Variants in PPP1R21 observed in about 807,000 individuals in gnomAD.
PPP1R21 encodes the protein KLRAQ motif containing 1.
In PPP1R21, 85 loss-of-function variants were observed where a neutral mutation model predicts 112.8. That is an observed-to-expected ratio of 0.75 (90% CI 0.63 to 0.90). The LOEUF (loss-of-function observed/expected upper bound fraction) is 0.90, where lower values mean the gene tolerates loss of function less well. Among genes scored for constraint, PPP1R21 ranks in the 40% least tolerant of loss-of-function variants. The pLI is 0.00. For missense variants in PPP1R21, 1,199 were observed against 901.5 expected, an observed-to-expected ratio of 1.33 and a Z score of -4.23; for synonymous variants, 381 against 322.3, an observed-to-expected ratio of 1.18 and a Z score of -1.95.
intron 9 of PPP1R21, among the ~76,000 whole-genome samples, chr2:48,468,627 A>G (rs1668310268): frequency 6.6e-6 from 1 of 152,120 alleles, no homozygotes; most frequent in Non-Finnish European, 1.5e-5. Flanking sequence ...AGCCTGGGCA[A>G]CATGGTGAAA....
At chr2:48,465,795 A>G (rs1668175192) in intron 9 of PPP1R21, among the ~76,000 whole-genome samples, 153 bp downstream of exon 9, 2 of 152,262 alleles carry the variant, frequency 1.3e-5, no homozygotes, top group Admixed American at 6.5e-5. Context: ...AAAATATGGC[A>G]AAAATAGAGA....
chr2:48,475,599 G>A (rs933275422), intron 12 of PPP1R21, among the ~76,000 whole-genome samples: 3 of 152,152 alleles, frequency 2.0e-5, no homozygotes, highest in African/African-American at 7.2e-5. Flanking sequence ...TGTAATCCCA[G>A]CACTTTGGGA....
At chr2:48,496,997 A>C (rs1239731616) in intron 16 of PPP1R21, among the ~76,000 whole-genome samples, 1 of 152,186 alleles carries the variant, frequency 6.6e-6, no homozygotes, top group Non-Finnish European at 1.5e-5. Context: ...AAACCAGTAA[A>C]CATGTTTCCC....
intron 11 of PPP1R21, among the ~76,000 whole-genome samples, chr2:48,474,393 A>T (rs1668656927): frequency 6.6e-6 from 1 of 152,332 alleles, no homozygotes; most frequent in East Asian, 1.9e-4. Flanking sequence ...AACAAAAAAG[A>T]AAAAGAACAT....
chr2:48,507,193 T>C (rs1469217403), intron 18 of PPP1R21, 76 bp from the exon 19 acceptor site: 5 of 284,786 alleles, frequency 1.8e-5, no homozygotes, highest in East Asian at 1.4e-4. Context: ...AAATGTTGTC[T>C]TTTTTTTTTT....
intron 14 of PPP1R21, among the ~76,000 whole-genome samples, chr2:48,488,113 A>G (rs1669392612): frequency 2.6e-5 from 4 of 152,164 alleles, no homozygotes; most frequent in Admixed American, 2.6e-4. Context: ...TCATATTTCC[A>G]AAGTTGGACT....
chr2:48,501,361 A>G (rs1018206137), intron 17 of PPP1R21, among the ~76,000 whole-genome samples: 9 of 152,276 alleles, frequency 5.9e-5, no homozygotes, highest in Middle Eastern at 3.4e-3. Flanking sequence ...TGGTGGCCAG[A>G]CTAGACCAGG....
intron 9 of PPP1R21, among the ~76,000 whole-genome samples, chr2:48,469,535 T>TATATATATAGAGAGAGAG (rs1553339307): frequency 8.2e-5 from 6 of 73,222 alleles, no homozygotes; most frequent in South Asian, 4.7e-4. Context: ...TATATATATA[T>TATATATATAGAGAGAGAG]AGAGCATATA....
intron 21 of PPP1R21, among the ~76,000 whole-genome samples, chr2:48,513,090 C>T (rs1176761048): frequency 6.6e-6 from 1 of 152,080 alleles, no homozygotes; most frequent in African/African-American, 2.4e-5. Context: ...TCTGGAACTT[C>T]AGAAGTATTT....
chr2:48,498,639 TG>T lies in PPP1R21; in HGVS notation c.1842del (p.Leu615TrpfsTer31). ...AGAATACAGGTAGTGCCCAGCTGGT[TG>T]GGCTGGCCCAGGAAAATGCTGCTGT... ...LKNTGSAQLV[G>X]LAQENAAVSN... On this transcript the variant is annotated frameshift_variant, in exon 17 of 22. Coordinates refer to ENST00000294952, the MANE Select transcript of PPP1R21 (RefSeq NM_001135629.3). LOFTEE classifies it high-confidence loss of function. The T allele has an allele frequency of 5.6e-6, 9 of 1,614,240 alleles. No homozygotes were observed. The highest frequency in any genetic ancestry group is 7.6e-6 in the Non-Finnish European group (9 of 1,180,038).
chr2:48,445,904 T>C (rs1667225250), intron 1 of PPP1R21, among the ~76,000 whole-genome samples: 1 of 152,166 alleles, frequency 6.6e-6, no homozygotes, highest in African/African-American at 2.4e-5. Context: ...ATACTTAAAA[T>C]GTTAGAACTG....
At chr2:48,448,139 C>T (rs1667329386) in intron 1 of PPP1R21, among the ~76,000 whole-genome samples, 1 of 152,122 alleles carries the variant, frequency 6.6e-6, no homozygotes, top group Non-Finnish European at 1.5e-5. Flanking sequence ...TTATCATCTT[C>T]CTCCATTTCT....
intron 9 of PPP1R21, 52 bp downstream of exon 9, chr2:48,465,694 A>G (rs1558449134): frequency 6.5e-7 from 1 of 1,548,744 alleles, no homozygotes; most frequent in South Asian, 1.2e-5. Context: ...ATAGGGAGAT[A>G]TTGTTTGTTT....
At chr2:48,465,898 G>C (rs902825646) in intron 9 of PPP1R21, among the ~76,000 whole-genome samples, 3 of 152,104 alleles carry the variant, frequency 2.0e-5, no homozygotes, top group African/African-American at 7.3e-5. Flanking sequence ...ACAAAAGAAA[G>C]AGGTTTATTA....
intron 12 of PPP1R21, among the ~76,000 whole-genome samples, chr2:48,478,898 T>G (rs1167272838): frequency 6.6e-6 from 1 of 152,262 alleles, no homozygotes; most frequent in Non-Finnish European, 1.5e-5. Context: ...TAAGAGCTCT[T>G]GTTTTAAGGC....
intron 17 of PPP1R21, among the ~76,000 whole-genome samples, chr2:48,499,538 A>T (rs569028254): frequency 2.0e-5 from 3 of 152,348 alleles, no homozygotes. Flanking sequence ...GCTGGGCAGC[A>T]TAGTGAGACC....
intron 13 of PPP1R21, among the ~76,000 whole-genome samples, chr2:48,483,144 C>T (rs1390495177): frequency 2.1e-5 from 3 of 142,804 alleles, no homozygotes; most frequent in Non-Finnish European, 3.0e-5. Flanking sequence ...GCATAGTGTT[C>T]TATGACGTAT....
At chr2:48,470,119 CT>C (rs1422256853) in intron 9 of PPP1R21, among the ~76,000 whole-genome samples, 1 of 152,096 alleles carries the variant, frequency 6.6e-6, no homozygotes, top group African/African-American at 2.4e-5. Context: ...TGAAAATAAT[CT>C]TTTTGCCTAT....
chr2:48,512,213 C>T (rs533203708), intron 21 of PPP1R21, among the ~76,000 whole-genome samples: 1 of 152,092 alleles, frequency 6.6e-6, no homozygotes, highest in Non-Finnish European at 1.5e-5. Context: ...TCCCATAATC[C>T]TTCTGCTTGC....
Sources: gnomAD v4.1 joint callset for allele counts (sites outside exome capture counted in the v4.1 genomes callset) on GRCh38, gnomAD v4.1.1 for gene constraint, MANE v1.5 for transcripts, NCBI Gene and HGNC (gene_info 2026-07-23, HGNC 2026-07-21) for gene names.